The following GRIN2B variants were observed in gnomAD, a reference collection of about 807,000 sequenced individuals.
The protein encoded by GRIN2B is glutamate receptor ionotropic, NMDA 2B.
A neutral mutation model predicts 114.5 loss-of-function variants in GRIN2B; 5 were observed. The observed-to-expected ratio is 0.04, with a 90% confidence interval of 0.02 to 0.09. The LOEUF is 0.09. GRIN2B is among the 10% of genes least tolerant of loss of function. The pLI, the probability that GRIN2B is intolerant of heterozygous loss-of-function variation, is 1.00. For synonymous variants in GRIN2B, 787 were observed against 745.1 expected (o/e 1.06, Z -0.92); for missense variants, 1,108 against 1,943.5 (o/e 0.57, Z 8.08).
At chr12:13,623,023 C>T (rs367640218) in intron 5 of GRIN2B, among the ~76,000 whole-genome samples, 4 of 152,182 alleles carry the variant, frequency 2.6e-5, no homozygotes, top group Middle Eastern at 3.2e-3. Context: ...TATCTGTATC[C>T]GTTCAAAATA....
chr12:13,941,597 A>C (rs1446036041), intron 2 of GRIN2B, among the ~76,000 whole-genome samples: 2 of 152,170 alleles, frequency 1.3e-5, no homozygotes, highest in Non-Finnish European at 2.9e-5. Context: ...TGGGGACAGG[A>C]CAGCCACCTC....
intron 3 of GRIN2B, among the ~76,000 whole-genome samples, chr12:13,849,632 T>G (rs1397237264): frequency 9.2e-5 from 14 of 152,124 alleles, no homozygotes; most frequent in Admixed American, 9.2e-4. Context: ...AAGAGAATTA[T>G]TCACAGGATC....
intron 2 of GRIN2B, among the ~76,000 whole-genome samples, chr12:13,913,487 C>T (rs137903115): frequency 0.013 from 2,045 of 152,272 alleles, 23 homozygotes; most frequent in Middle Eastern, 0.027. Context: ...GAACTGCTGG[C>T]GCTGCTGTCT....
chr12:13,965,436 A>G lies in GRIN2B; in HGVS notation c.-19+14492T>C, dbSNP rs1024208412. ...GCCACTTCTTTGTTAAAGACATTTT[A>G]GAATCTGTCATGAAGACCTGGGGTT... is the stretch of plus-strand genomic sequence containing the variant. On this transcript the variant is annotated intron_variant, in intron 2 of 13. Transcript: ENST00000609686. Among the ~76,000 whole-genome samples the G allele has an allele frequency of 4.4e-4, 67 of 152,160 alleles. 1 individual carries two copies. The highest frequency in any genetic ancestry group is 4.3e-3 in the Admixed American group (65 of 15,282).
intron 2 of GRIN2B, among the ~76,000 whole-genome samples, chr12:13,972,753 C>T (rs1862951669): frequency 6.6e-6 from 1 of 152,230 alleles, no homozygotes; most frequent in Non-Finnish European, 1.5e-5. Context: ...ACGTAACCTC[C>T]AAGGTGACTG....
chr12:13,937,084 T>TAA (rs35666762), intron 2 of GRIN2B, among the ~76,000 whole-genome samples: 2,443 of 18,548 alleles, frequency 0.13, 42 homozygotes, highest in Non-Finnish European at 0.19. Flanking sequence ...AGCACAGAAA[T>TAA]AAAAAAAAAA....
intron 5 of GRIN2B, among the ~76,000 whole-genome samples, chr12:13,647,108 G>T (rs1308697416): frequency 6.6e-6 from 1 of 151,956 alleles, no homozygotes; most frequent in African/African-American, 2.4e-5. Context: ...CTGACACTTT[G>T]GTTGCATCTT....
chr12:13,932,989 G>C (rs9795898), intron 2 of GRIN2B, among the ~76,000 whole-genome samples: 1 of 150,194 alleles, frequency 6.7e-6, no homozygotes, highest in Non-Finnish European at 1.5e-5. Context: ...GTGTGTGTGC[G>C]TGTGCGTGTG....
At position 13,543,890 on chromosome 12, in the gene GRIN2B, G is replaced by A. The variant is rs1565442891; in HGVS notation, c.*18893C>T. The A allele has an allele frequency of 6.7e-6, 1 of 150,212 alleles. No individual in the cohort carries two copies. Among genetic ancestry groups the A allele is most frequent in the Non-Finnish European group, 1.5e-5 (1 of 67,106 alleles). 9.3% of individuals were successfully genotyped at this position (150,212 alleles called of 1,614,324 possible). On this transcript the variant is annotated 3_prime_UTR_variant, in exon 14 of 14. Coordinates refer to ENST00000609686, the MANE Select transcript of GRIN2B (RefSeq NM_000834.5). ...CCCTGCTATTAATACAAACAAACCT[G>A]GTTAGTCCCCTGAAGCCAGTCCCTC...
intron 3 of GRIN2B, among the ~76,000 whole-genome samples, chr12:13,791,699 A>G (rs1314051366): frequency 6.6e-6 from 1 of 152,172 alleles, no homozygotes; most frequent in Admixed American, 6.5e-5. Flanking sequence ...CTTTATTAAT[A>G]TGTATTATAT....
chr12:13,759,060 G>A (rs1473605089), intron 3 of GRIN2B, among the ~76,000 whole-genome samples: 1 of 146,182 alleles, frequency 6.8e-6, no homozygotes, highest in Non-Finnish European at 1.5e-5. Flanking sequence ...CAGGCTGGAG[G>A]GCAGTGGCAT....
intron 2 of GRIN2B, among the ~76,000 whole-genome samples, chr12:13,976,975 A>C (rs1267099172): frequency 2.6e-5 from 4 of 152,140 alleles, no homozygotes; most frequent in Admixed American, 2.6e-4. Flanking sequence ...GACTGGGTGA[A>C]TGTACATGAA....
At chr12:13,672,974 T>C (rs190979155) in intron 5 of GRIN2B, among the ~76,000 whole-genome samples, 548 of 152,302 alleles carry the variant, frequency 3.6e-3, no homozygotes, top group South Asian at 5.2e-3. Flanking sequence ...AAATATTTAT[T>C]GAACTGCTCT....
At chr12:13,810,424 G>C (rs1864707364) in intron 3 of GRIN2B, among the ~76,000 whole-genome samples, 1 of 151,824 alleles carries the variant, frequency 6.6e-6, no homozygotes, top group Non-Finnish European at 1.5e-5. Context: ...ATTAAAGCAG[G>C]GATTCTACTG....
intron 2 of GRIN2B, among the ~76,000 whole-genome samples, chr12:13,973,240 T>C (rs1433539745): frequency 6.6e-6 from 1 of 152,178 alleles, no homozygotes; most frequent in Admixed American, 6.5e-5. Context: ...TTCTATGTGG[T>C]TGAAGCCCTG....
chr12:13,872,633 G>GA (rs1278176661), intron 2 of GRIN2B, among the ~76,000 whole-genome samples: 1 of 152,010 alleles, frequency 6.6e-6, no homozygotes, highest in Non-Finnish European at 1.5e-5. Flanking sequence ...GAATATCTCA[G>GA]AAAAATGCAG....
chr12:13,868,187 A>G lies in GRIN2B; in HGVS notation c.-18-1961T>C, dbSNP rs959802595. 3.3e-5 allele frequency among the ~76,000 whole-genome samples: 5 copies of G among 152,198 alleles called. No homozygotes were observed. In the South Asian group the frequency reaches 8.3e-4, roughly 25 times the overall value. On this transcript the variant is annotated intron_variant, in intron 2 of 13. Coordinates refer to ENST00000609686, the MANE Select transcript of GRIN2B (RefSeq NM_000834.5). ...TTGATTGCCTTGTCTCTCTCTCACA[A>G]ATAAGATGAGTAGCTCAGTGGTTCA...
chr12:13,577,771 G>A (rs1361669589), intron 10 of GRIN2B, among the ~76,000 whole-genome samples: 3 of 152,058 alleles, frequency 2.0e-5, no homozygotes, highest in Non-Finnish European at 2.9e-5. Context: ...ATCTATTAGG[G>A]CAGGAGACTG....
At chr12:13,803,466 C>G (rs1202920375) in intron 3 of GRIN2B, among the ~76,000 whole-genome samples, 1 of 152,188 alleles carries the variant, frequency 6.6e-6, no homozygotes, top group Admixed American at 6.6e-5. Context: ...GTCCAGACAA[C>G]TAGTACCTAT....
Sources: gnomAD v4.1 joint callset for allele counts (sites outside exome capture counted in the v4.1 genomes callset) on GRCh38, gnomAD v4.1.1 for gene constraint, MANE v1.5 for transcripts, NCBI Gene and HGNC (gene_info 2026-07-23, HGNC 2026-07-21) for gene names.